Variants in RGS22 observed in about 807,000 individuals in gnomAD.
RGS22 encodes the protein regulator of G-protein signaling 22.
RGS22 carries 148 observed loss-of-function variants against 172.9 expected under a neutral mutation model. The ratio of observed to expected loss-of-function variants is 0.86; its 90% CI spans 0.75 to 0.98. The LOEUF (loss-of-function observed/expected upper bound fraction) is 0.98. Ranked by LOEUF, RGS22 falls within the 50% of genes least tolerant of loss-of-function variation. The pLI is 0.00. For missense variants in RGS22, 1,347 were observed against 1,440.8 expected (o/e 0.93, Z 1.05); for synonymous variants, 458 against 480.2 (o/e 0.95, Z 0.60).
At chr8:100,044,309 C>T (rs1158294871) in intron 11 of RGS22, among the ~76,000 whole-genome samples, 1 of 152,168 alleles carries the variant, frequency 6.6e-6, no homozygotes, top group Admixed American at 6.5e-5. Flanking sequence ...TGCAGTGGCA[C>T]GATTTGGGCT....
chr8:100,027,245 A>AAG (rs966661754), intron 14 of RGS22, among the ~76,000 whole-genome samples: 3 of 152,108 alleles, frequency 2.0e-5, no homozygotes, highest in Non-Finnish European at 2.9e-5. Flanking sequence ...TCAAAAAAAA[A>AAG]AGAGAGAGAC....
intron 19 of RGS22, 89 bp downstream of exon 19, chr8:99,999,173 A>T: frequency 8.8e-6 from 10 of 1,131,532 alleles, no homozygotes; most frequent in Non-Finnish European, 1.1e-5. Context: ...AAAAAAAAAA[A>T]GGACAATGGC....
At position 100,071,490 on chromosome 8, in the gene RGS22, T is replaced by G. The variant is rs1273899869; in HGVS notation, c.473A>C (p.Asn158Thr). The part of the protein sequence containing the change: ...SQVRWSKSGM[N>T]FTVGSNFSPW... ...AGAAAAATTTGATCCTACTGTGAAA[T>G]TCATGCCGGACTTGCTCCATCTTAC... is the stretch of plus-strand genomic sequence containing the variant. Residue 158 changes from asparagine to threonine, a missense_variant, in exon 6 of 28, where the codon AAT (asparagine) becomes ACT (threonine). Asn to Thr is a moderately conservative substitution (Grantham distance 65). Coordinates refer to ENST00000360863, the MANE Select transcript of RGS22 (RefSeq NM_015668.5). The G allele has an allele frequency of 6.2e-7, 1 of 1,612,866 alleles. No individual in the cohort carries two copies. The highest frequency in any genetic ancestry group is 8.5e-7 in the Non-Finnish European group (1 of 1,179,290).
intron 12 of RGS22, among the ~76,000 whole-genome samples, chr8:100,041,318 A>G (rs375156236): frequency 9.2e-5 from 14 of 152,160 alleles, no homozygotes; most frequent in East Asian, 5.8e-4. Context: ...GTGAAACCCC[A>G]TCTCTACTAA....
intron 3 of RGS22, among the ~76,000 whole-genome samples, chr8:100,087,905 G>A (rs1812278659): frequency 6.6e-6 from 1 of 152,128 alleles, no homozygotes; most frequent in African/African-American, 2.4e-5. Flanking sequence ...TAATAAATGA[G>A]TTAGGTAATT....
At chr8:100,093,999 C>T (rs563835906) in intron 2 of RGS22, among the ~76,000 whole-genome samples, 55 of 152,178 alleles carry the variant, frequency 3.6e-4, no homozygotes, top group African/African-American at 1.2e-3. Flanking sequence ...GTTCTACTGT[C>T]CCCCACCCCA....
At chr8:100,105,633 G>A (rs1813876058) in intron 1 of RGS22, 9 of 589,014 alleles carry the variant, frequency 1.5e-5, no homozygotes, top group South Asian at 2.2e-5. Context: ...CTGTGACCCA[G>A]GAGTTACCCT....
At position 100,062,573 on chromosome 8, in the gene RGS22, T is replaced by C. The variant is rs1169138887; in HGVS notation, c.1514+18A>G. On this transcript the variant is annotated intron_variant, in intron 9 of 27. Transcript: ENST00000360863. ...CGTAAGGAAAGTGAAAGTAAGTAAC[T>C]GATTCATGTTTTCTTACCAATACAG... is the stretch of plus-strand genomic sequence containing the variant. 3 of 1,527,628 alleles carry C rather than the reference T, an allele frequency of 2.0e-6. No individual in the cohort carries two copies. The highest frequency in any genetic ancestry group is 1.2e-5 in the South Asian group (1 of 85,024). The allele number at this position is 1,527,628 out of a possible 1,614,324, so 94.6% of individuals were successfully genotyped here.
intron 14 of RGS22, among the ~76,000 whole-genome samples, chr8:100,032,732 T>G (rs1290177264): frequency 6.6e-6 from 1 of 152,056 alleles, no homozygotes; most frequent in Non-Finnish European, 1.5e-5. Flanking sequence ...CAGCACCACA[T>G]AGCACTTATT....
At chr8:100,052,228 T>TAAATATACAC (rs1195060811) in intron 10 of RGS22, among the ~76,000 whole-genome samples, 2,877 of 121,172 alleles carry the variant, frequency 0.024, 339 homozygotes, top group African/African-American at 0.09. Context: ...TACACATATA[T>TAAATATACAC]ATGTATATTT....
rs193214083 is a variant in RGS22 at position 100,040,873 on chromosome 8, T to C, written c.1939-786A>G. The stretch of plus-strand genomic sequence containing the variant: ...TTTTGTCCTACTGTCTCTCCATTTC[T>C]CCACCTCTCTATCTGCCTGCTAAAC... On this transcript the variant is annotated intron_variant, in intron 12 of 27. Coordinates refer to ENST00000360863, the MANE Select transcript of RGS22 (RefSeq NM_015668.5). Among the ~76,000 whole-genome samples the C allele has an allele frequency of 1.1e-4, 17 of 152,292 alleles. No homozygotes were observed. The East Asian group carries it at 3.3e-3, about 29-fold the overall frequency.
rs781092684 is a variant in RGS22 at position 99,962,889 on chromosome 8, A to G, written c.3705T>C (p.Phe1235=). ...TAGGCAGAAGGCAAAAATTACCTGC[A>G]AACAACTTTTTTTCTAGTTCTTCTT... ...KIQEELEKKL[F]AGLQPLTNFK... is the part of the protein sequence containing the mutation. The change falls in exon 25 of 28, where the codon TTT becomes TTC. Residue 1235 remains phenylalanine, a synonymous_variant. Coordinates refer to ENST00000360863, the MANE Select transcript of RGS22 (RefSeq NM_015668.5). The G allele has an allele frequency of 6.3e-7, 1 of 1,594,656 alleles. No homozygotes were observed. The highest frequency in any genetic ancestry group is 1.9e-5 in the Admixed American group (1 of 54,016).
intron 9 of RGS22, among the ~76,000 whole-genome samples, chr8:100,061,012 CAT>C (rs1209007441): frequency 6.6e-6 from 1 of 152,086 alleles, no homozygotes; most frequent in Non-Finnish European, 1.5e-5. Context: ...AATAAGACCA[CAT>C]ACCTACAACT....
chr8:99,987,685 T>C, intron 20 of RGS22, 66 bp from the exon 21 acceptor site: 1 of 1,290,666 alleles, frequency 7.7e-7, no homozygotes, highest in Non-Finnish European at 1.0e-6. Context: ...AACTTCTATC[T>C]CCTAAAATTT....
At chr8:100,095,531 T>C (rs1586280523) in intron 2 of RGS22, among the ~76,000 whole-genome samples, 1 of 152,170 alleles carries the variant, frequency 6.6e-6, no homozygotes, top group South Asian at 2.1e-4. Flanking sequence ...ACAGATAACT[T>C]TGAAAGAATA....
At chr8:100,051,438 ATATTTATTTATATTATAT>A (rs1821281881) in intron 10 of RGS22, among the ~76,000 whole-genome samples, 2 of 101,208 alleles carry the variant, frequency 2.0e-5, no homozygotes, top group South Asian at 5.9e-4. Context: ...ATATATTTAT[ATATTTATTTATATTATAT>A]TATATATAAA....
chr8:99,981,954 C>A lies in RGS22; in HGVS notation c.3343G>T (p.Val1115Leu). The A allele has an allele frequency of 1.2e-6, 2 of 1,612,472 alleles. No individual in the cohort carries two copies. The highest frequency in any genetic ancestry group is 1.7e-6 in the Non-Finnish European group (2 of 1,179,314). ...IEHRKELGPY[V>L]FREAQMTIFG... Reference sequence around the variant, plus strand: ...TCTCTTACCTGTGCCTCTCTAAATACATATGGTCCTAACTCCTTCCGGTGT... The same window carrying A: ...TCTCTTACCTGTGCCTCTCTAAATAAATATGGTCCTAACTCCTTCCGGTGT... Residue 1115 changes from valine (V) to leucine (L), a missense_variant, in exon 22 of 28, where the codon GTA becomes TTA. Val to Leu is a conservative substitution (Grantham distance 32). Coordinates refer to ENST00000360863, the MANE Select transcript of RGS22 (RefSeq NM_015668.5).
intron 4 of RGS22, among the ~76,000 whole-genome samples, chr8:100,079,609 G>T (rs917781452): frequency 2.0e-5 from 3 of 152,164 alleles, no homozygotes; most frequent in African/African-American, 7.2e-5. Flanking sequence ...ATGAAAATCA[G>T]ATTCATCAAA....
chr8:99,983,752 C>A (rs1262566238), intron 21 of RGS22, among the ~76,000 whole-genome samples: 1 of 152,106 alleles, frequency 6.6e-6, no homozygotes, highest in Non-Finnish European at 1.5e-5. Flanking sequence ...CATCAGAAAG[C>A]AAATTTGGAA....
Sources: allele counts gnomAD v4.1 joint callset (sites outside exome capture counted in the v4.1 genomes callset), GRCh38; gene constraint gnomAD v4.1.1; transcripts MANE v1.5; gene names NCBI Gene and HGNC (gene_info 2026-07-23, HGNC 2026-07-21).